Variants in SZRD1 observed in about 807,000 individuals in gnomAD.
The protein encoded by SZRD1 is SUZ RNA binding domain containing 1.
A neutral mutation model predicts 17.6 loss-of-function variants in SZRD1; 7 were observed. That is an observed-to-expected ratio of 0.40 (90% confidence interval 0.23 to 0.75). The LOEUF is 0.75. SZRD1 is among the 30% of genes least tolerant of loss of function. The pLI, the probability that SZRD1 is intolerant of heterozygous loss-of-function variation, is 0.38. For synonymous variants in SZRD1, 77 were observed against 77.9 expected, an observed-to-expected ratio of 0.99 and a Z score of 0.06; for missense variants, 178 against 201.8, an observed-to-expected ratio of 0.88 and a Z score of 0.71.
At chr1:16,384,375 CAAAAA>C (rs58963543) in intron 1 of SZRD1, among the ~76,000 whole-genome samples, 1 of 111,052 alleles carries the variant, frequency 9.0e-6, no homozygotes, top group Admixed American at 9.3e-5. Context: ...CCGTCTCCAC[CAAAAA>C]AAAAAAAAAA....
At position 16,393,604 on chromosome 1, in the gene SZRD1, C is replaced by A; in HGVS notation, c.356+122C>A. ...CAGAGTCAGGGTAGGAACCATGCAG[C>A]TCCACTTGCTGATCCCAGCCTGCTG... On this transcript the variant is annotated intron_variant, in intron 3 of 3. Coordinates refer to ENST00000401088, the MANE Select transcript of SZRD1 (RefSeq NM_001114600.3). The surrounding 1 kb of genome is among the most constrained non-coding windows in gnomAD (Gnocchi z 5.6). 1.8e-6 allele frequency: 2 copies of A among 1,095,342 alleles called. No homozygotes were observed. Among genetic ancestry groups the A allele is most frequent in the Non-Finnish European group, 2.6e-6 (2 of 776,758 alleles). 67.9% of individuals were successfully genotyped at this position (1,095,342 alleles called of 1,614,324 possible).
At chr1:16,377,215 A>G (rs558583506) in intron 1 of SZRD1, among the ~76,000 whole-genome samples, 28 of 152,268 alleles carry the variant, frequency 1.8e-4, no homozygotes, top group Non-Finnish European at 3.5e-4. Flanking sequence ...CTGGTGGATG[A>G]GGGTTAATAG....
Position 16,395,203 on chromosome 1 carries a change from G to A in SZRD1, c.*63G>A, listed in dbSNP as rs2085290563. The A allele has an allele frequency of 8.5e-7, 1 of 1,172,738 alleles. No individual in the cohort carries two copies. The highest frequency in any genetic ancestry group is 1.5e-5 in the African/African-American group (1 of 66,664). The allele number at this position is 1,172,738 out of a possible 1,614,324, so 72.6% of individuals were successfully genotyped here. Reference sequence around the variant, plus strand: ...CCGCCTCCTGGGTCGTCCGCCACGGGTTGCACTGCCGTGGCAGACAGCTGG... The same window carrying A: ...CCGCCTCCTGGGTCGTCCGCCACGGATTGCACTGCCGTGGCAGACAGCTGG... On this transcript the variant is annotated 3_prime_UTR_variant, in exon 4 of 4. Coordinates refer to ENST00000401088, the MANE Select transcript of SZRD1 (RefSeq NM_001114600.3).
At chr1:16,382,616 T>C (rs1377340768) in intron 1 of SZRD1, among the ~76,000 whole-genome samples, 1 of 151,752 alleles carries the variant, frequency 6.6e-6, no homozygotes, top group Non-Finnish European at 1.5e-5. Flanking sequence ...TGCCTCAGTC[T>C]CCCGAGCAGC....
chr1:16,373,680 C>T (rs1211108193), intron 1 of SZRD1, among the ~76,000 whole-genome samples: 2 of 151,224 alleles, frequency 1.3e-5, no homozygotes, highest in African/African-American at 4.9e-5. Flanking sequence ...TTACTGCTGT[C>T]TCGACCTCCC....
intron 1 of SZRD1, chr1:16,369,499 C>T (rs999772403): frequency 1.3e-5 from 12 of 918,658 alleles, no homozygotes; most frequent in Non-Finnish European, 1.4e-5. Context: ...TTTTTTGCCC[C>T]CCTTCACCAC....
intron 1 of SZRD1, among the ~76,000 whole-genome samples, chr1:16,370,225 CT>C (rs557535183): frequency 0.21 from 30,532 of 143,188 alleles, 3,137 homozygotes; most frequent in Non-Finnish European, 0.26. Flanking sequence ...CTTTCTTTTC[CT>C]TTTTTTTTTT....
At chr1:16,374,325 G>C (rs2082963040) in intron 1 of SZRD1, among the ~76,000 whole-genome samples, 1 of 152,188 alleles carries the variant, frequency 6.6e-6, no homozygotes, top group African/African-American at 2.4e-5. Flanking sequence ...TGATTCTGCT[G>C]AGCAGTCTGT....
chr1:16,368,457 T>A (rs1219122738), intron 1 of SZRD1, among the ~76,000 whole-genome samples: 1 of 150,904 alleles, frequency 6.6e-6, no homozygotes, highest in Non-Finnish European at 1.5e-5. Flanking sequence ...TGAAGTTTTT[T>A]CCGCTGGTTC....
At chr1:16,376,021 TG>T (rs2082997945) in intron 1 of SZRD1, among the ~76,000 whole-genome samples, 1 of 152,230 alleles carries the variant, frequency 6.6e-6, no homozygotes, top group Non-Finnish European at 1.5e-5. Flanking sequence ...GGGCCCTTTT[TG>T]GAAGAGCTTC....
intron 1 of SZRD1, among the ~76,000 whole-genome samples, chr1:16,373,296 T>G (rs1285432415): frequency 6.6e-6 from 1 of 151,920 alleles, no homozygotes; most frequent in African/African-American, 2.4e-5. Flanking sequence ...TTTTAAATTT[T>G]TTGCCGGACA....
chr1:16,383,602 TTTTC>T (rs1262379577), intron 1 of SZRD1, among the ~76,000 whole-genome samples: 43 of 151,202 alleles, frequency 2.8e-4, no homozygotes, highest in Non-Finnish European at 5.6e-4. Context: ...TTTTTTTTTC[TTTTC>T]TTTCTTTCTT....
At chr1:16,390,039 C>G (rs1270078248) in intron 1 of SZRD1, among the ~76,000 whole-genome samples, 2 of 152,198 alleles carry the variant, frequency 1.3e-5, no homozygotes, top group East Asian at 1.9e-4. Flanking sequence ...TGTCCAGTGT[C>G]CCCTGAGGGA....
rs748355332 is a variant in SZRD1 at position 16,395,211 on chromosome 1, G to C, written c.*71G>C. ...TGGGTCGTCCGCCACGGGTTGCACT[G>C]CCGTGGCAGACAGCTGGACTTGAGC... On this transcript the variant is annotated 3_prime_UTR_variant, in exon 4 of 4. Coordinates refer to ENST00000401088, the MANE Select transcript of SZRD1 (RefSeq NM_001114600.3). 6.6e-6 allele frequency: 7 copies of C among 1,066,350 alleles called. No individual in the cohort carries two copies. Among genetic ancestry groups the C allele is most frequent in the Non-Finnish European group, 1.0e-5 (7 of 685,766 alleles). The allele number at this position is 1,066,350 out of a possible 1,614,324, so 66.1% of individuals were successfully genotyped here.
chr1:16,394,962 A>G, intron 3 of SZRD1, 76 bp from the exon 4 acceptor site: 2 of 905,272 alleles, frequency 2.2e-6, no homozygotes, highest in Non-Finnish European at 3.5e-6. Context: ...CTCAAAAATA[A>G]ATAAAAAATA....
intron 1 of SZRD1, among the ~76,000 whole-genome samples, chr1:16,368,895 T>C (rs777792595): frequency 6.6e-6 from 1 of 152,176 alleles, no homozygotes; most frequent in African/African-American, 2.4e-5. Flanking sequence ...AAATCCCTCA[T>C]GTTAGAGAAG....
At chr1:16,370,239 T>G (rs2082891047) in intron 1 of SZRD1, among the ~76,000 whole-genome samples, 1 of 146,216 alleles carries the variant, frequency 6.8e-6, no homozygotes, top group South Asian at 2.1e-4. Context: ...TTTTTTTTTT[T>G]GTTTGAGAGA....
chr1:16,393,412 G>A lies in SZRD1; in HGVS notation c.286G>A (p.Ala96Thr). The change falls in exon 3 of 4, where the codon GCC (alanine) becomes ACC (threonine). Residue 96 changes from alanine (A) to threonine (T), a missense_variant. Physicochemically the swap from Ala to Thr is moderately conservative, Grantham distance 58 (BLOSUM62 0). This residue lies in a region of SZRD1 where 4 missense variants were observed against 21.2 expected (regional missense o/e 0.19). Coordinates refer to ENST00000401088, the MANE Select transcript of SZRD1 (RefSeq NM_001114600.3). This position sits in a 1 kb window ranked among gnomAD's most constrained non-coding sequence, Gnocchi z 5.6. The stretch of plus-strand genomic sequence containing the variant: ...CCTAGCACAGCGAGAGGCCGAGTAC[G>A]CCGAGGCCCGGAAGCGGATCCTGGG... ...KSLAQREAEY[A>T]EARKRILGSA... 6.2e-7 allele frequency: 1 copy of A among 1,614,126 alleles called. No homozygotes were observed.
At chr1:16,386,459 A>G (rs2085121957) in intron 1 of SZRD1, among the ~76,000 whole-genome samples, 1 of 152,082 alleles carries the variant, frequency 6.6e-6, no homozygotes, top group African/African-American at 2.4e-5. Context: ...GGAGATGCAC[A>G]TTTTCCTTGT....
Sources: allele counts gnomAD v4.1 joint callset (sites outside exome capture counted in the v4.1 genomes callset), GRCh38; gene constraint gnomAD v4.1.1; regional missense constraint gnomAD v4.1.1; non-coding constraint Gnocchi (gnomAD v3.1); transcripts MANE v1.5; gene names NCBI Gene and HGNC (gene_info 2026-07-23, HGNC 2026-07-21).